Variants in TMEM230 observed in about 807,000 individuals in gnomAD.
TMEM230 encodes UPF0414 transmembrane protein C20orf30.
In TMEM230, 10 loss-of-function variants were observed where a neutral mutation model predicts 15.8. The observed-to-expected ratio is 0.63, with a 90% CI of 0.39 to 1.07. The LOEUF (loss-of-function observed/expected upper bound fraction) is 1.07, where lower values mean the gene tolerates loss of function less well. TMEM230 is among the 50% of genes least tolerant of loss of function. The pLI, the probability that TMEM230 is intolerant of heterozygous loss-of-function variation, is 0.01. For synonymous variants in TMEM230, 67 were observed against 76.9 expected, an observed-to-expected ratio of 0.87 and a Z score of 0.68; for missense variants, 165 against 193.3, an observed-to-expected ratio of 0.85 and a Z score of 0.87.
chr20:5,072,902 C>T (rs965375016), intron 3 of TMEM230, among the ~76,000 whole-genome samples: 1 of 145,332 alleles, frequency 6.9e-6, no homozygotes. Flanking sequence ...TCTGTGGAGA[C>T]TGATGACTTG....
chr20:5,080,955 T>G (rs2089159419), intron 3 of TMEM230, among the ~76,000 whole-genome samples: 1 of 152,108 alleles, frequency 6.6e-6, no homozygotes, highest in Admixed American at 6.6e-5. Flanking sequence ...CCATGATGAG[T>G]TAAGTACAGA....
intron 3 of TMEM230, among the ~76,000 whole-genome samples, chr20:5,071,216 TA>T (rs376585536): frequency 6.8e-4 from 103 of 152,222 alleles, no homozygotes; most frequent in African/African-American, 2.3e-3. Context: ...ATATGGGGCC[TA>T]AAGCAGGGCA....
chr20:5,079,010 T>C (rs2089094819), intron 3 of TMEM230, among the ~76,000 whole-genome samples: 1 of 152,260 alleles, frequency 6.6e-6, no homozygotes. Flanking sequence ...ATCCTTTCTC[T>C]GGTGATTTTA....
intron 1 of TMEM230, chr20:5,112,710 C>T (rs1161885617): frequency 7.0e-7 from 1 of 1,426,140 alleles, no homozygotes; most frequent in Admixed American, 2.9e-5. Flanking sequence ...CAGTGCCTGG[C>T]ATTACGCGCC....
At chr20:5,088,968 A>G (rs955325580) in intron 3 of TMEM230, among the ~76,000 whole-genome samples, 28 of 152,358 alleles carry the variant, frequency 1.8e-4, no homozygotes, top group African/African-American at 6.5e-4. Context: ...TGCTGTGCTG[A>G]TAAGTGACTA....
chr20:5,084,273 GAGTGT>G (rs2089268258), intron 3 of TMEM230, among the ~76,000 whole-genome samples: 1 of 151,216 alleles, frequency 6.6e-6, no homozygotes, highest in South Asian at 2.1e-4. Context: ...ACCCAGGCTG[GAGTGT>G]AGTGGCACAA....
downstream of TMEM230, among the ~76,000 whole-genome samples, chr20:5,097,405 G>A (rs2089693654): frequency 6.6e-6 from 1 of 152,202 alleles, no homozygotes; most frequent in Non-Finnish European, 1.5e-5. Flanking sequence ...CATAAGAGTT[G>A]TTGCAAATAA....
In TMEM230 at chr20:5,112,926, G is replaced by A. The variant is rs565592529; in HGVS notation, c.68+35C>T. On this transcript the variant is annotated intron_variant, in intron 1 of 4. Transcript: ENST00000342308. ...GGACACGCCCAGAGCCCGAGAGGAC[G>A]GTTCTGTCCCCGCCCTGCCGCACAC... 14 of 1,549,298 alleles carry A rather than the reference G, an allele frequency of 9.0e-6. No homozygotes were observed. In the East Asian group the frequency reaches 1.2e-4, roughly 14 times the overall value.
chr20:5,072,624 G>A (rs990078567), intron 3 of TMEM230, among the ~76,000 whole-genome samples: 7 of 151,942 alleles, frequency 4.6e-5, no homozygotes, highest in Admixed American at 6.6e-5. Context: ...TGAGGTGGGC[G>A]GATCACCTGA....
intron 3 of TMEM230, among the ~76,000 whole-genome samples, chr20:5,070,895 T>C (rs927355228): frequency 2.6e-5 from 4 of 152,108 alleles, no homozygotes; most frequent in Non-Finnish European, 4.4e-5. Context: ...GCCTCCCAAA[T>C]AGCACAGCAC....
intron 3 of TMEM230, among the ~76,000 whole-genome samples, chr20:5,074,077 A>G (rs1043140419): frequency 3.3e-5 from 5 of 152,130 alleles, no homozygotes; most frequent in African/African-American, 1.2e-4. Context: ...TCAGAGCAAG[A>G]GCTCACTCAT....
chr20:5,112,719 C>T, intron 1 of TMEM230: 3 of 1,431,248 alleles, frequency 2.1e-6, no homozygotes, highest in Non-Finnish European at 2.7e-6. Context: ...GCATTACGCG[C>T]CTCTACATAC....
chr20:5,106,440 G>A lies in TMEM230; in HGVS notation c.289-130C>T, dbSNP rs1489917542. On this transcript the variant is annotated intron_variant, in intron 3 of 4. Coordinates refer to ENST00000342308, the MANE Select transcript of TMEM230 (RefSeq NM_001009923.2). ...TGTTTTGAGATGGAGTTTCGTTCTTGTTGCCCAGGCTAGAGAGCAATGGCG... is the reference window on the plus strand; with the variant it reads ...TGTTTTGAGATGGAGTTTCGTTCTTATTGCCCAGGCTAGAGAGCAATGGCG... 3.4e-6 allele frequency: 4 copies of A among 1,166,276 alleles called. 1 individual carries two copies. The highest frequency in any genetic ancestry group is 4.6e-6 in the Non-Finnish European group (4 of 866,090). The allele number at this position is 1,166,276 out of a possible 1,614,324, so 72.2% of individuals were successfully genotyped here.
chr20:5,110,182 G>A (rs980857773), intron 2 of TMEM230, among the ~76,000 whole-genome samples: 16 of 129,884 alleles, frequency 1.2e-4, no homozygotes, highest in African/African-American at 3.8e-4. Flanking sequence ...TCAGCCTCCC[G>A]AGTAGTTGGG....
chr20:5,113,016 C>G lies in TMEM230; in HGVS notation c.13G>C (p.Ala5Pro). 1 of 1,549,108 alleles carries G rather than the reference C, an allele frequency of 6.5e-7. No individual in the cohort carries two copies. The highest frequency in any genetic ancestry group is 1.2e-5 in the South Asian group (1 of 84,100). Residue 5 changes from alanine (A) to proline (P), a missense_variant, in exon 1 of 5, where the codon GCG (alanine) becomes CCG (proline). By Grantham distance (27) the Ala-to-Pro change is conservative. Coordinates refer to ENST00000342308, the MANE Select transcript of TMEM230 (RefSeq NM_001009923.2). Reference sequence around the variant, plus strand: ...CAGAGCTCGCCCACGGTTGGCAGCGCCCAAGGTTGCATGGCATGGCCCGCT... The same window carrying G: ...CAGAGCTCGCCCACGGTTGGCAGCGGCCAAGGTTGCATGGCATGGCCCGCT...
intron 3 of TMEM230, among the ~76,000 whole-genome samples, chr20:5,108,378 C>T (rs1568507848): frequency 1.3e-5 from 2 of 149,442 alleles, no homozygotes; most frequent in Non-Finnish European, 1.5e-5. Context: ...GAGGTTGTGC[C>T]ACTGCACTCC....
chr20:5,097,124 TG>T (rs1365302654), downstream of TMEM230, among the ~76,000 whole-genome samples: 1 of 152,198 alleles, frequency 6.6e-6, no homozygotes, highest in East Asian at 1.9e-4. Flanking sequence ...GAAAATAAAA[TG>T]GAACAATTCA....
At chr20:5,092,100 T>C (rs1233970470) in intron 3 of TMEM230, among the ~76,000 whole-genome samples, 5 of 152,198 alleles carry the variant, frequency 3.3e-5, no homozygotes, top group Non-Finnish European at 1.5e-5. Flanking sequence ...CCTCCTTTGT[T>C]TTCCTAGATT....
downstream of TMEM230, among the ~76,000 whole-genome samples, chr20:5,065,907 C>A (rs1016914716): frequency 2.6e-5 from 4 of 152,146 alleles, no homozygotes; most frequent in Non-Finnish European, 4.4e-5. Context: ...GCACTGGAGA[C>A]CCCCGTCCCT....
Sources: allele counts gnomAD v4.1 joint callset (sites outside exome capture counted in the v4.1 genomes callset), GRCh38; gene constraint gnomAD v4.1.1; transcripts MANE v1.5; gene names NCBI Gene and HGNC (gene_info 2026-07-23, HGNC 2026-07-21).